The following EFHC1 variants were observed in gnomAD, a reference collection of about 807,000 sequenced individuals.
EFHC1 encodes EF-hand domain containing 1.
In EFHC1, 53 loss-of-function variants were observed where a neutral mutation model predicts 69.9. The ratio of observed to expected loss-of-function variants is 0.76; its 90% CI spans 0.61 to 0.95. EFHC1 has a LOEUF of 0.95. EFHC1 is among the 40% of genes least tolerant of loss of function. The pLI, the probability that EFHC1 is intolerant of heterozygous loss-of-function variation, is 0.00. For synonymous variants in EFHC1, 256 were observed against 278.4 expected, an observed-to-expected ratio of 0.92 and a Z score of 0.80; for missense variants, 739 against 798.7, an observed-to-expected ratio of 0.93 and a Z score of 0.90.
chr6:52,467,181 C>CTTT (rs35984636), intron 6 of EFHC1, among the ~76,000 whole-genome samples: 1 of 134,846 alleles, frequency 7.4e-6, no homozygotes, highest in Admixed American at 7.6e-5. Context: ...AGGACTTTGA[C>CTTT]TTTTTTTTTT....
intron 2 of EFHC1, among the ~76,000 whole-genome samples, chr6:52,434,497 C>T (rs984729040): frequency 3.9e-5 from 6 of 152,236 alleles, no homozygotes; most frequent in Admixed American, 2.6e-4. Flanking sequence ...ATCTCCCTTT[C>T]CCACTTCCAT....
At chr6:52,436,401 C>T (rs908510991) in intron 2 of EFHC1, among the ~76,000 whole-genome samples, 3 of 151,768 alleles carry the variant, frequency 2.0e-5, no homozygotes, top group African/African-American at 7.3e-5. Flanking sequence ...GCAACAGTGT[C>T]CGTGTATAGA....
At chr6:52,478,425 T>TAAAAA (rs527754851) in intron 7 of EFHC1, among the ~76,000 whole-genome samples, 9 of 151,236 alleles carry the variant, frequency 6.0e-5, no homozygotes, top group African/African-American at 2.2e-4. Flanking sequence ...TAAACTATAA[T>TAAAAA]AAAAAAAAAG....
chr6:52,436,325 C>T (rs546451072), intron 2 of EFHC1, among the ~76,000 whole-genome samples: 9 of 152,220 alleles, frequency 5.9e-5, no homozygotes, highest in African/African-American at 1.9e-4. Flanking sequence ...CTTGTATGCA[C>T]TTGCCAGTTC....
chr6:52,443,465 T>C (rs1198751533), intron 3 of EFHC1, among the ~76,000 whole-genome samples: 2 of 152,212 alleles, frequency 1.3e-5, no homozygotes, highest in Non-Finnish European at 2.9e-5. Flanking sequence ...AATTTTTGTA[T>C]AAGGTGTAAG....
In EFHC1 at chr6:52,493,655, C is replaced by CAA. The variant is rs35994917; in HGVS notation, c.*1324_*1325dup. ...TGGGTGACAGAGCAAGACTCCATCT[C>CAA]AAAAAAAAAAAGGTTAGAAAAATGC... On this transcript the variant is annotated 3_prime_UTR_variant, in exon 11 of 11. Transcript: ENST00000371068. 162 of 399,028 alleles carry CAA rather than the reference C, an allele frequency of 4.1e-4. No individual in the cohort carries two copies. The highest frequency in any genetic ancestry group is 1.1e-3 in the East Asian group (14 of 13,058). 24.7% of individuals were successfully genotyped at this position (399,028 alleles called of 1,614,324 possible).
chr6:52,475,095 T>C (rs1765519291), intron 7 of EFHC1, among the ~76,000 whole-genome samples: 1 of 150,964 alleles, frequency 6.6e-6, no homozygotes, highest in Non-Finnish European at 1.5e-5. Flanking sequence ...AGTAAAGAAA[T>C]AGTGGATATC....
intron 6 of EFHC1, among the ~76,000 whole-genome samples, chr6:52,467,855 C>T (rs1265245209): frequency 1.3e-5 from 2 of 152,218 alleles, no homozygotes; most frequent in Admixed American, 1.3e-4. Context: ...AATCAGCAAA[C>T]GCTTTTTAGT....
chr6:52,487,150 T>G (rs1765803874), intron 9 of EFHC1: 1 of 152,184 alleles, frequency 6.6e-6, no homozygotes, highest in South Asian at 2.1e-4. Flanking sequence ...TAGGAGTGGC[T>G]ATATTTCAAT....
Position 52,495,134 on chromosome 6 carries a change from T to C in EFHC1, c.*2793T>C. On this transcript the variant is annotated 3_prime_UTR_variant, in exon 11 of 11. Transcript: ENST00000371068. ...CTTCTGATCTTCCCAGGAGGCCCTT[T>C]CAGGCTGACACACCTTCCAGGGTGT... is the stretch of plus-strand genomic sequence containing the variant. The C allele has an allele frequency of 2.2e-6, 1 of 454,092 alleles. No homozygotes were observed. Among genetic ancestry groups the C allele is most frequent in the Non-Finnish European group, 4.4e-6 (1 of 226,792 alleles). The allele number at this position is 454,092 out of a possible 1,614,324, so 28.1% of individuals were successfully genotyped here.
chr6:52,442,544 T>A (rs993324756), intron 3 of EFHC1, among the ~76,000 whole-genome samples: 1 of 151,154 alleles, frequency 6.6e-6, no homozygotes, highest in Non-Finnish European at 1.5e-5. Context: ...GAATATGCAG[T>A]GTTTGGTTTT....
Position 52,493,433 on chromosome 6 carries a change from A to G in EFHC1, c.*1092A>G, listed in dbSNP as rs942808438. The G allele has an allele frequency of 2.0e-4, 74 of 377,044 alleles. No homozygotes were observed. Among genetic ancestry groups the G allele is most frequent in the African/African-American group, 1.6e-3 (72 of 45,636 alleles). The allele number at this position is 377,044 out of a possible 1,614,324, so 23.4% of individuals were successfully genotyped here. ...CACACACGCTTATATGTATACATAT[A>G]GTATGTATATGTGTATATATATTAT... is the stretch of plus-strand genomic sequence containing the variant. On this transcript the variant is annotated 3_prime_UTR_variant, in exon 11 of 11. Coordinates refer to ENST00000371068, the MANE Select transcript of EFHC1 (RefSeq NM_018100.4).
At chr6:52,422,141 T>TA (rs1289015673) in intron 1 of EFHC1, among the ~76,000 whole-genome samples, 1 of 152,044 alleles carries the variant, frequency 6.6e-6, no homozygotes, top group Admixed American at 6.6e-5. Context: ...AAAACGATTT[T>TA]AAAAAAAGAC....
chr6:52,448,138 G>A (rs1450947356), intron 3 of EFHC1, among the ~76,000 whole-genome samples: 3 of 152,234 alleles, frequency 2.0e-5, no homozygotes, highest in Admixed American at 2.0e-4. Context: ...AGTTTCTGCT[G>A]CCTTTTGTTC....
chr6:52,445,080 G>A (rs923494540), intron 3 of EFHC1, among the ~76,000 whole-genome samples: 30 of 140,926 alleles, frequency 2.1e-4, no homozygotes, highest in African/African-American at 8.3e-4. Flanking sequence ...TTTTTTTTTT[G>A]GTGTAGAGGT....
At chr6:52,448,622 C>T (rs751362247) in intron 3 of EFHC1, among the ~76,000 whole-genome samples, 3 of 152,178 alleles carry the variant, frequency 2.0e-5, no homozygotes, top group African/African-American at 4.8e-5. Context: ...AGAAATCACC[C>T]GTCTTCTGCG....
intron 3 of EFHC1, among the ~76,000 whole-genome samples, chr6:52,449,634 G>T (rs1764871890): frequency 6.6e-6 from 1 of 152,146 alleles, no homozygotes; most frequent in Admixed American, 6.5e-5. Context: ...AATATTCTCT[G>T]ATGGTTGCTT....
intron 2 of EFHC1, among the ~76,000 whole-genome samples, chr6:52,438,024 A>G (rs928604443): frequency 3.9e-5 from 6 of 152,208 alleles, no homozygotes; most frequent in Non-Finnish European, 5.9e-5. Context: ...TATAATTTCC[A>G]TGTGTTATGA....
At position 52,420,423 on chromosome 6, in the gene EFHC1, C is replaced by A. The variant is rs774185507; in HGVS notation, c.13C>A (p.Pro5Thr). MVSN[P>T]VHGLPFLPGT... is the part of the protein sequence containing the mutation. The stretch of plus-strand genomic sequence containing the variant: ...GGTACCGGCTGCAATGGTGTCCAAT[C>A]CCGTGCATGGCTTGCCCTTTCTTCC... Residue 5 changes from proline (P) to threonine (T), a missense_variant, in exon 1 of 11, where the codon CCC becomes ACC. Transcript: ENST00000371068. 5.0e-6 allele frequency: 8 copies of A among 1,614,122 alleles called. No individual in the cohort carries two copies. The highest frequency in any genetic ancestry group is 3.3e-5 in the South Asian group (3 of 91,096).
Sources: gnomAD v4.1 joint callset for allele counts (sites outside exome capture counted in the v4.1 genomes callset) on GRCh38, gnomAD v4.1.1 for gene constraint, MANE v1.5 for transcripts, NCBI Gene and HGNC (gene_info 2026-07-23, HGNC 2026-07-21) for gene names.